MSI2: variants seen among roughly 807,000 people sequenced by gnomAD.
MSI2 encodes the protein RNA-binding protein Musashi homolog 2.
Under a neutral mutation model 45.6 loss-of-function variants are expected in MSI2, and 17 were observed. The observed-to-expected ratio is 0.37, with a 90% confidence interval of 0.26 to 0.56. MSI2 has a LOEUF of 0.56. Ranked by LOEUF, MSI2 falls within the 20% of genes least tolerant of loss-of-function variation. The pLI, the probability that MSI2 is intolerant of heterozygous loss-of-function variation, is 0.77. For missense variants in MSI2, 293 were observed against 444.2 expected (o/e 0.66, Z 3.06); for synonymous variants, 156 against 158.2 (o/e 0.99, Z 0.11).
At chr17:57,557,363 C>A (rs2087459957) in intron 7 of MSI2, among the ~76,000 whole-genome samples, 1 of 152,220 alleles carries the variant, frequency 6.6e-6, no homozygotes, top group South Asian at 2.1e-4. Flanking sequence ...GACCTGGAGG[C>A]TTTTCCCAAG....
At chr17:57,355,487 A>G (rs1013200513) in intron 5 of MSI2, among the ~76,000 whole-genome samples, 3 of 151,888 alleles carry the variant, frequency 2.0e-5, no homozygotes, top group African/African-American at 7.3e-5. Flanking sequence ...GGTCTCCCTT[A>G]TTTTTCTCTT....
intron 5 of MSI2, among the ~76,000 whole-genome samples, chr17:57,390,539 A>G (rs571055704): frequency 2.6e-5 from 4 of 152,248 alleles, no homozygotes; most frequent in Non-Finnish European, 5.9e-5. Context: ...AAACTTGCTC[A>G]TCAGAAACTG....
chr17:57,300,751 G>A (rs1490431382), intron 5 of MSI2, among the ~76,000 whole-genome samples: 1 of 152,188 alleles, frequency 6.6e-6, no homozygotes, highest in Non-Finnish European at 1.5e-5. Context: ...CTTACATGGT[G>A]GCAGACAAGA....
intron 5 of MSI2, among the ~76,000 whole-genome samples, chr17:57,298,875 A>G (rs891647425): frequency 6.6e-6 from 1 of 152,154 alleles, no homozygotes; most frequent in African/African-American, 2.4e-5. Context: ...TCTCCTCTCT[A>G]GCTATCAAAG....
chr17:57,277,537 A>G (rs185232666), intron 5 of MSI2, among the ~76,000 whole-genome samples: 2 of 152,242 alleles, frequency 1.3e-5, no homozygotes, highest in South Asian at 2.1e-4. Context: ...CGATTTCCCC[A>G]TCTGTAGACG....
intron 6 of MSI2, among the ~76,000 whole-genome samples, chr17:57,450,630 C>T (rs144509897): frequency 0.013 from 1,763 of 140,780 alleles, 27 homozygotes; most frequent in African/African-American, 0.045. Flanking sequence ...AAGATCACAC[C>T]ACTGCACTCC....
chr17:57,627,157 C>T lies in MSI2; in HGVS notation c.653-72C>T, dbSNP rs916067682. The T allele has an allele frequency of 2.9e-5, 38 of 1,330,430 alleles. No homozygotes were observed. Among genetic ancestry groups the T allele is most frequent in the African/African-American group, 5.8e-5 (4 of 69,256 alleles). 82.4% of individuals were successfully genotyped at this position (1,330,430 alleles called of 1,614,324 possible). ...AACTCAGGCTTTCCTCATTGCCACC[C>T]TCCGTGAGATTTTACCCCAGACCTG... On this transcript the variant is annotated intron_variant, in intron 9 of 13. Transcript: ENST00000284073. This position sits in a 1 kb window ranked among gnomAD's most constrained non-coding sequence, Gnocchi z 4.6.
chr17:57,336,380 TTTC>T (rs1598137532), intron 5 of MSI2, among the ~76,000 whole-genome samples: 2 of 152,206 alleles, frequency 1.3e-5, no homozygotes, highest in African/African-American at 4.8e-5. Context: ...CATTCCCAGT[TTTC>T]TTCTTCTCTT....
At chr17:57,365,619 A>G (rs538150932) in intron 5 of MSI2, among the ~76,000 whole-genome samples, 1 of 152,112 alleles carries the variant, frequency 6.6e-6, no homozygotes, top group African/African-American at 2.4e-5. Flanking sequence ...GAGGGATGGG[A>G]GGAGCCTTCT....
intron 11 of MSI2, among the ~76,000 whole-genome samples, chr17:57,665,164 G>A (rs926604372): frequency 2.6e-5 from 4 of 152,182 alleles, no homozygotes; most frequent in Non-Finnish European, 4.4e-5. Context: ...TCCCAGCAGG[G>A]TCAGGAAGGC....
At chr17:57,626,862 A>G (rs1908853303) in intron 9 of MSI2, 1 of 256,676 alleles carries the variant, frequency 3.9e-6, no homozygotes, top group African/African-American at 2.2e-5. Flanking sequence ...CGAGGACTTT[A>G]ATCTCCTACT....
intron 5 of MSI2, among the ~76,000 whole-genome samples, chr17:57,362,234 A>G (rs937747847): frequency 6.6e-6 from 1 of 152,242 alleles, no homozygotes; most frequent in Admixed American, 6.5e-5. Context: ...GTAGAAACAG[A>G]GCTGGGCTCA....
intron 7 of MSI2, among the ~76,000 whole-genome samples, chr17:57,563,206 G>A (rs569830662): frequency 4.5e-4 from 67 of 149,772 alleles, no homozygotes; most frequent in African/African-American, 1.5e-3. Context: ...TTTTATATCC[G>A]TCACCCGAAC....
At chr17:57,548,237 A>C (rs1472290083) in intron 7 of MSI2, among the ~76,000 whole-genome samples, 2 of 152,146 alleles carry the variant, frequency 1.3e-5, no homozygotes, top group African/African-American at 4.8e-5. Flanking sequence ...TCAAGGGCTT[A>C]ACCTGTACAG....
At chr17:57,498,477 C>A (rs2086025313) in intron 6 of MSI2, among the ~76,000 whole-genome samples, 1 of 152,204 alleles carries the variant, frequency 6.6e-6, no homozygotes, top group South Asian at 2.1e-4. Flanking sequence ...CCTGGCTACC[C>A]CAGGCACATG....
At chr17:57,427,011 G>C (rs1256137073) in intron 6 of MSI2, among the ~76,000 whole-genome samples, 1 of 152,254 alleles carries the variant, frequency 6.6e-6, no homozygotes, top group Non-Finnish European at 1.5e-5. Context: ...CCAGGCTGAA[G>C]CCGGGGTGCC....
chr17:57,698,495 G>A, the MSI2 span, among the ~76,000 whole-genome samples: 4 of 152,174 alleles, frequency 2.6e-5, no homozygotes, highest in Non-Finnish European at 4.4e-5. Context: ...AGTGTCATCT[G>A]ATAACATGAC....
At position 57,529,863 on chromosome 17, in the gene MSI2, T is replaced by C. The variant is rs1050193600; in HGVS notation, c.454+139T>C. 1 of 670,610 alleles carries C rather than the reference T, an allele frequency of 1.5e-6. No homozygotes were observed. The highest frequency in any genetic ancestry group is 2.5e-6 in the Non-Finnish European group (1 of 399,520). 41.5% of individuals were successfully genotyped at this position (670,610 alleles called of 1,614,324 possible). On this transcript the variant is annotated intron_variant, in intron 7 of 13. Transcript: ENST00000284073. This position sits in a 1 kb window ranked among gnomAD's most constrained non-coding sequence, Gnocchi z 5.3. ...GAGGTGACCATCCATTGAAGATCTT[T>C]ATTCACGGAGAGTCCCAGTAGCACA...
At chr17:57,488,415 C>T (rs2085797979) in intron 6 of MSI2, among the ~76,000 whole-genome samples, 1 of 152,146 alleles carries the variant, frequency 6.6e-6, no homozygotes, top group Non-Finnish European at 1.5e-5. Flanking sequence ...TATTTAACCC[C>T]ACCTACCTTT....
Sources: gnomAD v4.1 joint callset for allele counts (sites outside exome capture counted in the v4.1 genomes callset) on GRCh38, gnomAD v4.1.1 for gene constraint, Gnocchi (gnomAD v3.1) non-coding constraint, MANE v1.5 for transcripts, NCBI Gene and HGNC (gene_info 2026-07-23, HGNC 2026-07-21) for gene names.